Variants in DCLK1 observed in about 807,000 individuals in gnomAD.
The protein encoded by DCLK1 is doublecortin like kinase 1, also known as serine/threonine-protein kinase DCLK1.
Under a neutral mutation model 86.2 loss-of-function variants are expected in DCLK1, and 16 were observed. The observed-to-expected ratio is 0.19, with a 90% CI of 0.13 to 0.28. DCLK1 has a LOEUF of 0.28. Among genes scored for constraint, DCLK1 ranks in the 10% least tolerant of loss-of-function variants. The pLI, the probability that DCLK1 is intolerant of heterozygous loss-of-function variation, is 1.00. For synonymous variants in DCLK1, 369 were observed against 370.5 expected (o/e 1.00, Z 0.05); for missense variants, 590 against 940.2 (o/e 0.63, Z 4.87).
intron 3 of DCLK1, among the ~76,000 whole-genome samples, chr13:35,973,806 A>C (rs1318839740): frequency 6.6e-6 from 1 of 152,104 alleles, no homozygotes; most frequent in Non-Finnish European, 1.5e-5. Context: ...AAAACTGAAG[A>C]TGTGAGGAAG....
At chr13:35,924,489 A>G (rs1875990634) in intron 4 of DCLK1, among the ~76,000 whole-genome samples, 1 of 152,038 alleles carries the variant, frequency 6.6e-6, no homozygotes, top group African/African-American at 2.4e-5. Context: ...GTCTCTACTA[A>G]AAATACAAAA....
chr13:35,890,972 C>G (rs1445251619), intron 4 of DCLK1, among the ~76,000 whole-genome samples: 1 of 151,420 alleles, frequency 6.6e-6, no homozygotes, highest in Non-Finnish European at 1.5e-5. Flanking sequence ...ACAAACAGCA[C>G]TTTCCCTTTG....
chr13:35,794,739 A>G (rs1000827853), intron 15 of DCLK1, among the ~76,000 whole-genome samples: 1 of 152,236 alleles, frequency 6.6e-6, no homozygotes, highest in Non-Finnish European at 1.5e-5. Flanking sequence ...TTTATCCCCA[A>G]GTTAAGCACA....
Position 35,805,794 on chromosome 13 carries a change from G to A in DCLK1, c.1864-15C>T, listed in dbSNP as rs554197774. On this transcript the variant is annotated splice_polypyrimidine_tract_variant and intron_variant, in intron 14 of 16. Transcript: ENST00000360631. Reference sequence around the variant, plus strand: ...GTAATGAGCTCCTGTGAAGGGGAACGTTAGAGTCCATTTATCTGAATTTAA... The same window carrying A: ...GTAATGAGCTCCTGTGAAGGGGAACATTAGAGTCCATTTATCTGAATTTAA... 3.1e-5 allele frequency: 50 copies of A among 1,608,894 alleles called. No homozygotes were observed. In the East Asian group the frequency reaches 6.7e-4, roughly 22 times the overall value.
At chr13:35,982,955 GGTTTCACCAT>G (rs1280996541) in intron 3 of DCLK1, among the ~76,000 whole-genome samples, 1 of 151,888 alleles carries the variant, frequency 6.6e-6, no homozygotes, top group African/African-American at 2.4e-5. Flanking sequence ...GTAGAGACAG[GGTTTCACCAT>G]GTTGGTCAGG....
chr13:35,957,139 G>A (rs1221743390), intron 3 of DCLK1, among the ~76,000 whole-genome samples: 1 of 152,012 alleles, frequency 6.6e-6, no homozygotes, highest in Non-Finnish European at 1.5e-5. Flanking sequence ...ATAGGTTTGG[G>A]GCAAAATAAA....
intron 5 of DCLK1, among the ~76,000 whole-genome samples, chr13:35,859,735 C>T (rs1339675584): frequency 6.6e-6 from 1 of 152,154 alleles, no homozygotes. Context: ...GTAGTGTACA[C>T]TTAGTACATG....
intron 3 of DCLK1, among the ~76,000 whole-genome samples, chr13:36,108,731 A>G (rs985200846): frequency 1.3e-5 from 2 of 152,334 alleles, no homozygotes; most frequent in East Asian, 1.9e-4. Flanking sequence ...ACCCAAAAAC[A>G]TGAAATTCTT....
At chr13:36,028,425 C>T (rs192744733) in intron 3 of DCLK1, among the ~76,000 whole-genome samples, 79 of 152,244 alleles carry the variant, frequency 5.2e-4, no homozygotes, top group African/African-American at 1.9e-3. Context: ...TCACAGGAGC[C>T]CTTCAGGGCT....
At chr13:35,867,781 A>G (rs1286207524) in intron 5 of DCLK1, among the ~76,000 whole-genome samples, 4 of 151,842 alleles carry the variant, frequency 2.6e-5, no homozygotes, top group African/African-American at 4.8e-5. Flanking sequence ...GATTAGACTC[A>G]TCAGTCCATT....
At chr13:36,024,068 G>A (rs1459276375) in intron 3 of DCLK1, among the ~76,000 whole-genome samples, 1 of 151,762 alleles carries the variant, frequency 6.6e-6, no homozygotes. Context: ...GCTAATTTTT[G>A]TATTTTTAGT....
chr13:36,078,466 TAG>T (rs1374217123), intron 3 of DCLK1, among the ~76,000 whole-genome samples: 1 of 152,176 alleles, frequency 6.6e-6, no homozygotes, highest in Non-Finnish European at 1.5e-5. Context: ...AGCAGTTGGG[TAG>T]AGTTCTTCAA....
chr13:35,951,331 G>A (rs145957026), intron 3 of DCLK1, among the ~76,000 whole-genome samples: 2 of 151,684 alleles, frequency 1.3e-5, no homozygotes, highest in Admixed American at 6.6e-5. Context: ...TGGATAGATG[G>A]ACGGATGGAA....
chr13:36,082,349 T>C (rs1433486987), intron 3 of DCLK1, among the ~76,000 whole-genome samples: 1 of 152,250 alleles, frequency 6.6e-6, no homozygotes, highest in Admixed American at 6.5e-5. Flanking sequence ...ATTATAAGAA[T>C]ACAGTATATA....
At chr13:35,784,014 A>C (rs1369635004) in intron 16 of DCLK1, among the ~76,000 whole-genome samples, 2 of 152,192 alleles carry the variant, frequency 1.3e-5, no homozygotes, top group African/African-American at 4.8e-5. Context: ...TACGTTCTTT[A>C]TGTATGATTT....
rs117129124 is a variant in DCLK1 at position 35,876,421 on chromosome 13, T to G, written c.824-5081A>C. 4.6e-3 allele frequency among the ~76,000 whole-genome samples: 696 copies of G among 152,294 alleles called. 4 individuals are homozygous for G. Among genetic ancestry groups the G allele is most frequent in the Middle Eastern group, 0.024 (7 of 294 alleles). On this transcript the variant is annotated intron_variant, in intron 4 of 16. Coordinates refer to ENST00000360631, the MANE Select transcript of DCLK1 (RefSeq NM_001330071.2). The stretch of plus-strand genomic sequence containing the variant: ...GGTCAACATAAATCCAGCTGAAGAA[T>G]ATTGCAGTGCCAAGCCGTAAATTAT...
intron 3 of DCLK1, among the ~76,000 whole-genome samples, chr13:36,073,504 AC>A (rs1718172020): frequency 6.6e-6 from 1 of 152,060 alleles, no homozygotes; most frequent in African/African-American, 2.4e-5. Flanking sequence ...AAAACAAAAA[AC>A]AAAAAAAAAC....
chr13:35,811,081 AT>A, intron 11 of DCLK1, 113 bp from the exon 12 acceptor site: 1 of 1,330,902 alleles, frequency 7.5e-7, no homozygotes, highest in Non-Finnish European at 1.0e-6. Context: ...TAAAAAATAA[AT>A]TAGGCAATTA....
Position 36,126,006 on chromosome 13 carries a change from G to A in DCLK1, c.132C>T (p.Thr44=), listed in dbSNP as rs1288415399. ...THSAHCSFYR[T]RTLQTLSSEK... ...CGGAGCTGAGCGTCTGCAGCGTGCG[G>A]GTGCGGTAGAAGCTGCAGTGGGCGC... The change falls in exon 2 of 17, where the codon ACC becomes ACT. Residue 44 remains threonine (T), a synonymous_variant. Transcript: ENST00000360631. The A allele has an allele frequency of 6.2e-7, 1 of 1,614,084 alleles. No homozygotes were observed. The highest frequency in any genetic ancestry group is 1.7e-5 in the Admixed American group (1 of 60,024).
Sources: allele counts gnomAD v4.1 joint callset (sites outside exome capture counted in the v4.1 genomes callset), GRCh38; gene constraint gnomAD v4.1.1; transcripts MANE v1.5; gene names NCBI Gene and HGNC (gene_info 2026-07-23, HGNC 2026-07-21).